The following RBFOX1 variants were observed in gnomAD, a reference collection of about 807,000 sequenced individuals.
RBFOX1 encodes RNA binding protein fox-1 homolog 1.
In RBFOX1, 8 loss-of-function variants were observed where a neutral mutation model predicts 57.7. The ratio of observed to expected loss-of-function variants is 0.14; its 90% confidence interval spans 0.08 to 0.25. The LOEUF (loss-of-function observed/expected upper bound fraction) is 0.25. Ranked by LOEUF, RBFOX1 falls within the 10% of genes least tolerant of loss-of-function variation. RBFOX1 has a pLI of 1.00. For synonymous variants in RBFOX1, 326 were observed against 222.4 expected (o/e 1.47, Z -4.15); for missense variants, 611 against 548.5 (o/e 1.11, Z -1.14).
At chr16:6,671,594 G>GT (rs1294699250) in intron 3 of RBFOX1, among the ~76,000 whole-genome samples, 23 of 152,098 alleles carry the variant, frequency 1.5e-4, no homozygotes, top group Non-Finnish European at 2.6e-4. Flanking sequence ...CCAATTTGTA[G>GT]TTTTCTATCC....
At chr16:6,472,999 G>A (rs182886233) in intron 2 of RBFOX1, among the ~76,000 whole-genome samples, 1 of 152,216 alleles carries the variant, frequency 6.6e-6, no homozygotes, top group East Asian at 1.9e-4. Flanking sequence ...ATATCTCCAG[G>A]TGAAACTCTT....
chr16:7,402,998 A>C (rs4786156), intron 4 of RBFOX1, among the ~76,000 whole-genome samples: 1 of 152,010 alleles, frequency 6.6e-6, no homozygotes, highest in Non-Finnish European at 1.5e-5. Context: ...GGAGGAGGTG[A>C]ACCTGGAACT....
chr16:6,611,338 G>T (rs546461737), intron 2 of RBFOX1, among the ~76,000 whole-genome samples: 1 of 152,210 alleles, frequency 6.6e-6, no homozygotes, highest in South Asian at 2.1e-4. Context: ...GTAGAGACAG[G>T]GTTTTGCCAT....
intron 13 of RBFOX1, 115 bp downstream of exon 13, chr16:7,665,083 G>A (rs1166354209): frequency 2.5e-6 from 4 of 1,596,552 alleles, no homozygotes; most frequent in Non-Finnish European, 2.6e-6. Flanking sequence ...TTGGTCTGTA[G>A]GAAATAATTC....
chr16:5,306,165 C>T (rs2063927575), intron 1 of RBFOX1, among the ~76,000 whole-genome samples: 1 of 152,172 alleles, frequency 6.6e-6, no homozygotes. Flanking sequence ...CATGCCATTG[C>T]ACTCCAGCCT....
intron 3 of RBFOX1, among the ~76,000 whole-genome samples, chr16:6,989,107 G>C (rs987022299): frequency 6.6e-6 from 1 of 152,110 alleles, no homozygotes; most frequent in African/African-American, 2.4e-5. Flanking sequence ...ATGTTGGGCA[G>C]GTTGGCCTAA....
chr16:6,562,831 C>CTT (rs779899531), intron 2 of RBFOX1, among the ~76,000 whole-genome samples: 2 of 88,416 alleles, frequency 2.3e-5, no homozygotes, highest in Non-Finnish European at 5.0e-5. Flanking sequence ...ATTCTTGATT[C>CTT]TTTTCTTTCT....
intron 4 of RBFOX1, among the ~76,000 whole-genome samples, chr16:7,184,468 A>C (rs542278703): frequency 6.6e-6 from 1 of 152,350 alleles, no homozygotes; most frequent in Non-Finnish European, 1.5e-5. Context: ...TCTGCATTGC[A>C]TGCATGTTTT....
At chr16:5,370,462 C>CTTTT (rs34715441) in intron 1 of RBFOX1, among the ~76,000 whole-genome samples, 269 of 141,176 alleles carry the variant, frequency 1.9e-3, no homozygotes, top group South Asian at 5.7e-3. Flanking sequence ...GCCTCCTCCT[C>CTTTT]TTTTTTTTTT....
At chr16:7,184,387 G>T (rs1470975260) in intron 4 of RBFOX1, among the ~76,000 whole-genome samples, 1 of 152,196 alleles carries the variant, frequency 6.6e-6, no homozygotes, top group Non-Finnish European at 1.5e-5. Flanking sequence ...GGTTTTAGTA[G>T]AAGTCTAGGG....
At chr16:5,775,394 G>A (rs1484367978) in intron 3 of RBFOX1, among the ~76,000 whole-genome samples, 1 of 152,252 alleles carries the variant, frequency 6.6e-6, no homozygotes, top group African/African-American at 2.4e-5. Flanking sequence ...AACAGAGGGG[G>A]TCACTGCGTT....
intron 3 of RBFOX1, among the ~76,000 whole-genome samples, chr16:6,885,933 A>G (rs1358910747): frequency 6.6e-6 from 1 of 152,264 alleles, no homozygotes; most frequent in East Asian, 1.9e-4. Flanking sequence ...CAATAATAAA[A>G]TAAAATGATT....
intron 2 of RBFOX1, among the ~76,000 whole-genome samples, chr16:6,492,445 G>C (rs1344934694): frequency 6.6e-6 from 1 of 152,112 alleles, no homozygotes; most frequent in African/African-American, 2.4e-5. Context: ...GCAGGTGCCT[G>C]TTAGTCCCAG....
intron 4 of RBFOX1, among the ~76,000 whole-genome samples, chr16:7,427,892 G>C (rs959027199): frequency 6.6e-6 from 1 of 152,122 alleles, no homozygotes; most frequent in Non-Finnish European, 1.5e-5. Flanking sequence ...GACCTCAGAT[G>C]ATCTGCCTGC....
At chr16:6,034,047 A>T (rs2095327797) in intron 1 of RBFOX1, among the ~76,000 whole-genome samples, 1 of 152,096 alleles carries the variant, frequency 6.6e-6, no homozygotes, top group African/African-American at 2.4e-5. Flanking sequence ...AAGAATAGGA[A>T]TCGTTGGCCA....
chr16:6,320,856 C>G (rs762618779), intron 2 of RBFOX1, among the ~76,000 whole-genome samples: 1 of 152,112 alleles, frequency 6.6e-6, no homozygotes, highest in Non-Finnish European at 1.5e-5. Flanking sequence ...TGCAGTGGCA[C>G]GATCTCAGCT....
chr16:7,055,311 A>C (rs1373868170), intron 4 of RBFOX1, among the ~76,000 whole-genome samples: 1 of 152,188 alleles, frequency 6.6e-6, no homozygotes, highest in African/African-American at 2.4e-5. Context: ...AGATGCTATT[A>C]TCTGTGAGTT....
chr16:5,531,688 A>T (rs1365963516), intron 2 of RBFOX1, among the ~76,000 whole-genome samples: 1 of 152,182 alleles, frequency 6.6e-6, no homozygotes, highest in Admixed American at 6.5e-5. Flanking sequence ...TGTTTAAGGT[A>T]CTCAAAGCAG....
intron 3 of RBFOX1, among the ~76,000 whole-genome samples, chr16:5,746,877 C>G (rs1324088565): frequency 6.6e-6 from 1 of 152,120 alleles, no homozygotes; most frequent in Non-Finnish European, 1.5e-5. Context: ...CAATCATGTC[C>G]TGTGCAAACA....
Sources: gnomAD v4.1 joint callset for allele counts (sites outside exome capture counted in the v4.1 genomes callset) on GRCh38, gnomAD v4.1.1 for gene constraint, MANE v1.5 for transcripts, NCBI Gene and HGNC (gene_info 2026-07-23, HGNC 2026-07-21) for gene names.